Variants in EPHB2 observed in about 807,000 individuals in gnomAD.
EPHB2 encodes the protein EPH receptor B2, also known as ephrin type-B receptor 2.
EPHB2 carries 18 observed loss-of-function variants against 96.4 expected under a neutral mutation model. The ratio of observed to expected loss-of-function variants is 0.19; its 90% CI spans 0.13 to 0.28. The LOEUF is 0.28. EPHB2 is among the 10% of genes least tolerant of loss of function. EPHB2 has a pLI of 1.00. For missense variants in EPHB2, 989 were observed against 1,355.4 expected (o/e 0.73, Z 4.25); for synonymous variants, 506 against 534.1 (o/e 0.95, Z 0.72).
At chr1:22,768,750 T>G (rs1644339530) in intron 1 of EPHB2, among the ~76,000 whole-genome samples, 1 of 143,616 alleles carries the variant, frequency 7.0e-6, no homozygotes, top group African/African-American at 2.6e-5. Context: ...CCCTAGGCCT[T>G]CCTTCTCCCT....
chr1:22,776,570 G>A (rs1644456176), intron 1 of EPHB2, among the ~76,000 whole-genome samples: 1 of 152,246 alleles, frequency 6.6e-6, no homozygotes, highest in South Asian at 2.1e-4. Flanking sequence ...AGTATGGGAA[G>A]TGAAATGATG....
At chr1:22,748,851 G>A (rs958126568) in intron 1 of EPHB2, among the ~76,000 whole-genome samples, 5 of 147,130 alleles carry the variant, frequency 3.4e-5, no homozygotes, top group African/African-American at 5.0e-5. Flanking sequence ...AAGTAATTGT[G>A]GTTTTTGCCT....
At chr1:22,757,047 T>C (rs1324134699) in intron 1 of EPHB2, among the ~76,000 whole-genome samples, 1 of 152,212 alleles carries the variant, frequency 6.6e-6, no homozygotes, top group Non-Finnish European at 1.5e-5. Flanking sequence ...CCTGTCTATA[T>C]TGTTTCAATA....
intron 1 of EPHB2, among the ~76,000 whole-genome samples, chr1:22,721,030 C>T (rs1272700902): frequency 5.3e-5 from 8 of 152,004 alleles, no homozygotes; most frequent in African/African-American, 9.7e-5. Flanking sequence ...AAGGCTGTGC[C>T]GAGGAGTAAC....
chr1:22,747,716 G>A (rs1486041246), intron 1 of EPHB2, among the ~76,000 whole-genome samples: 1 of 152,262 alleles, frequency 6.6e-6, no homozygotes, highest in Non-Finnish European at 1.5e-5. Flanking sequence ...GCTGTTTGGG[G>A]ACTCAGGTGC....
intron 3 of EPHB2, among the ~76,000 whole-genome samples, chr1:22,794,337 A>G (rs1644737777): frequency 6.6e-6 from 1 of 152,096 alleles, no homozygotes; most frequent in African/African-American, 2.4e-5. Flanking sequence ...GCAGGATGGA[A>G]CACAGTCCCA....
At chr1:22,762,758 A>G (rs560845521) in intron 1 of EPHB2, among the ~76,000 whole-genome samples, 1 of 152,240 alleles carries the variant, frequency 6.6e-6, no homozygotes, top group South Asian at 2.1e-4. Flanking sequence ...AATGGCCACT[A>G]TTGTAATCCA....
chr1:22,754,386 A>G (rs764414689), intron 1 of EPHB2, among the ~76,000 whole-genome samples: 90 of 152,186 alleles, frequency 5.9e-4, no homozygotes, highest in Non-Finnish European at 1.1e-3. Context: ...AAACACCAGC[A>G]TCTCTTGACA....
intron 3 of EPHB2, among the ~76,000 whole-genome samples, chr1:22,805,452 G>A (rs1169408573): frequency 6.6e-6 from 1 of 152,100 alleles, no homozygotes; most frequent in African/African-American, 2.4e-5. Flanking sequence ...ACTCCCCTGT[G>A]GCCTGACTCA....
At chr1:22,840,191 G>A (rs1019815333) in intron 3 of EPHB2, among the ~76,000 whole-genome samples, 5 of 152,300 alleles carry the variant, frequency 3.3e-5, no homozygotes, top group African/African-American at 1.2e-4. Flanking sequence ...TCATAGGGAT[G>A]TTATAAGGAT....
chr1:22,882,784 C>T, intron 6 of EPHB2: 1 of 381,936 alleles, frequency 2.6e-6, no homozygotes, highest in Non-Finnish European at 5.0e-6. Flanking sequence ...TTCATCTTGA[C>T]CTCAGTGGCT....
At chr1:22,872,891 G>A (rs549702817) in intron 5 of EPHB2, among the ~76,000 whole-genome samples, 16 of 152,336 alleles carry the variant, frequency 1.1e-4, no homozygotes, top group African/African-American at 3.1e-4. Flanking sequence ...CCCCCTGTGT[G>A]CTTATGCCTG....
intron 1 of EPHB2, among the ~76,000 whole-genome samples, chr1:22,748,024 A>C (rs1239878455): frequency 6.6e-6 from 1 of 152,242 alleles, no homozygotes; most frequent in East Asian, 1.9e-4. Context: ...GTATGACTCT[A>C]GAACTGAATT....
At chr1:22,867,184 G>T (rs1638506869) in intron 5 of EPHB2, among the ~76,000 whole-genome samples, 1 of 152,176 alleles carries the variant, frequency 6.6e-6, no homozygotes, top group South Asian at 2.1e-4. Flanking sequence ...CTTGACTATG[G>T]GTCTGATTGC....
chr1:22,788,218 C>T (rs891240506), intron 3 of EPHB2, among the ~76,000 whole-genome samples: 4 of 152,208 alleles, frequency 2.6e-5, no homozygotes, highest in African/African-American at 9.7e-5. Context: ...TTCTCAGAGT[C>T]AGAGCTACTC....
chr1:22,796,765 C>T (rs1055299026), intron 3 of EPHB2, among the ~76,000 whole-genome samples: 4 of 152,224 alleles, frequency 2.6e-5, no homozygotes, highest in East Asian at 1.9e-4. Context: ...GGCACAGGCT[C>T]TTATCAATTG....
chr1:22,854,511 CA>C (rs1557714280), intron 3 of EPHB2, among the ~76,000 whole-genome samples: 1 of 152,042 alleles, frequency 6.6e-6, no homozygotes, highest in South Asian at 2.1e-4. Context: ...GAACCTGTCT[CA>C]AAAGAAAGAA....
chr1:22,813,784 C>T (rs1423870761), intron 3 of EPHB2, among the ~76,000 whole-genome samples: 2 of 152,224 alleles, frequency 1.3e-5, no homozygotes, highest in Non-Finnish European at 2.9e-5. Flanking sequence ...TTGCCCAGAG[C>T]ACTGGGCACC....
chr1:22,825,502 T>G (rs1417923561), intron 3 of EPHB2, among the ~76,000 whole-genome samples: 1 of 152,226 alleles, frequency 6.6e-6, no homozygotes, highest in Non-Finnish European at 1.5e-5. Context: ...CTAGCTTTGC[T>G]GCTACCTTCA....
Sources: allele counts gnomAD v4.1 joint callset (sites outside exome capture counted in the v4.1 genomes callset), GRCh38; gene constraint gnomAD v4.1.1; transcripts MANE v1.5; gene names NCBI Gene and HGNC (gene_info 2026-07-23, HGNC 2026-07-21).